Variants in RPN1 observed in about 807,000 individuals in gnomAD.
RPN1 encodes the protein ribophorin I.
Under a neutral mutation model 55.5 loss-of-function variants are expected in RPN1, and 12 were observed. That is an observed-to-expected ratio of 0.22 (90% CI 0.14 to 0.35). The LOEUF is 0.35. Among genes scored for constraint, RPN1 ranks in the 10% least tolerant of loss-of-function variants. RPN1 has a pLI of 1.00. For missense variants in RPN1, 679 were observed against 761.3 expected (o/e 0.89, Z 1.27); for synonymous variants, 317 against 305.9 (o/e 1.04, Z -0.38).
intron 8 of RPN1, among the ~76,000 whole-genome samples, chr3:128,623,220 C>T (rs966269856): frequency 1.3e-5 from 2 of 152,152 alleles, no homozygotes; most frequent in African/African-American, 4.8e-5. Flanking sequence ...GCCTGGGTAA[C>T]ATAATGAGAC....
At chr3:128,632,544 A>G (rs2069649500) in intron 3 of RPN1, among the ~76,000 whole-genome samples, 1 of 152,178 alleles carries the variant, frequency 6.6e-6, no homozygotes, top group African/African-American at 2.4e-5. Flanking sequence ...TATCTTGTTC[A>G]AGGTCATAAA....
At chr3:128,645,467 T>G (rs529728070) in intron 1 of RPN1, among the ~76,000 whole-genome samples, 2 of 148,554 alleles carry the variant, frequency 1.3e-5, no homozygotes, top group Admixed American at 1.3e-4. Context: ...CAAAATTCCA[T>G]CTAAAAAAAA....
At chr3:128,626,701 C>T (rs763667907) in intron 6 of RPN1, 32 bp downstream of exon 6, 133 of 1,587,452 alleles carry the variant, frequency 8.4e-5, no homozygotes, top group Non-Finnish European at 1.5e-5. Flanking sequence ...CCAGAGAAAT[C>T]GGGTGCAAAG....
At chr3:128,635,628 T>C (rs182229769) in intron 3 of RPN1, among the ~76,000 whole-genome samples, 1 of 26,398 alleles carries the variant, frequency 3.8e-5, no homozygotes. Context: ...TATATATATA[T>C]ATATATATAT....
intron 1 of RPN1, 146 bp from the exon 2 acceptor site, chr3:128,645,129 ATTT>A (rs948326061): frequency 1.7e-6 from 1 of 605,958 alleles, no homozygotes; most frequent in Non-Finnish European, 2.9e-6. Context: ...TTCAGTAACA[ATTT>A]TTTTTTCTCT....
chr3:128,620,212 T>A lies in RPN1; in HGVS notation c.*199A>T, dbSNP rs1308788380. On this transcript the variant is annotated 3_prime_UTR_variant, in exon 10 of 10. Transcript: ENST00000296255. ...GGAGTTTTTTTAAAGTTTTCTTTTT[T>A]TAAAAAAAAAAAAAAAGAAAGTTAA... The A allele has an allele frequency of 1.0e-5, 4 of 394,664 alleles. No individual in the cohort carries two copies. The highest frequency in any genetic ancestry group is 8.4e-5 in the African/African-American group (4 of 47,884). 24.4% of individuals were successfully genotyped at this position (394,664 alleles called of 1,614,324 possible).
rs780552430 is a variant in RPN1, at chr3:128,620,418, G to A, written c.1817C>T (p.Ala606Val). 3.1e-6 allele frequency: 5 copies of A among 1,613,120 alleles called. No individual in the cohort carries two copies. The South Asian group carries it at 5.5e-5, about 18-fold the overall frequency. Residue 606 changes from alanine to valine, a missense_variant, in exon 10 of 10, where the codon GCC (alanine) becomes GTC (valine). This residue lies in a region of RPN1 where 306 missense variants were observed against 360.0 expected (regional missense o/e 0.85). Transcript: ENST00000296255. ...GGAGGATGCGGGCAGGGGCTACAGGGCATCCAGGATGTGGTCGATCTTGGT... is the reference window on the plus strand; with the variant it reads ...GGAGGATGCGGGCAGGGGCTACAGGACATCCAGGATGTGGTCGATCTTGGT... ...LVTKIDHILD[A>V]L
intron 5 of RPN1, among the ~76,000 whole-genome samples, chr3:128,629,082 C>T (rs117016372): frequency 4.6e-5 from 7 of 152,092 alleles, no homozygotes; most frequent in Middle Eastern, 6.8e-3. Context: ...AAAGTGATTA[C>T]TCAAAGTCGG....
At chr3:128,650,363 G>A (rs1394951831) in intron 1 of RPN1, among the ~76,000 whole-genome samples, 177 bp downstream of exon 1, 1 of 150,174 alleles carries the variant, frequency 6.7e-6, no homozygotes, top group East Asian at 2.0e-4. Context: ...GGGGCCCCTG[G>A]CCACCCAGGA....
At chr3:128,624,544 C>A (rs1015989819) in intron 8 of RPN1, among the ~76,000 whole-genome samples, 1 of 151,878 alleles carries the variant, frequency 6.6e-6, no homozygotes, top group Admixed American at 6.6e-5. Context: ...CACAGTTCGG[C>A]TGGATCAACA....
At chr3:128,626,097 G>A (rs2069598154) in intron 6 of RPN1, 85 bp from the exon 7 acceptor site, 1 of 1,373,662 alleles carries the variant, frequency 7.3e-7, no homozygotes, top group African/African-American at 1.4e-5. Context: ...CAAGGCTAAG[G>A]AGCCTTTCAA....
At chr3:128,648,003 A>G (rs1470824338) in intron 1 of RPN1, among the ~76,000 whole-genome samples, 2 of 152,188 alleles carry the variant, frequency 1.3e-5, no homozygotes, top group African/African-American at 4.8e-5. Flanking sequence ...TCACGCCTGC[A>G]ATCCCAGCAC....
rs1420140345 is a variant in RPN1, at chr3:128,637,976, C to G, written c.456G>C (p.Gln152His). The change falls in exon 3 of 10, where the codon CAG becomes CAC. Residue 152 changes from glutamine to histidine, a missense_variant. By Grantham distance (24) the Gln-to-His change is conservative. Around this residue, in one of 3 missense-constraint regions of RPN1, gnomAD observed 352 missense variants for 352.8 expected, o/e 1.00. Coordinates refer to ENST00000296255, the MANE Select transcript of RPN1 (RefSeq NM_002950.4). ...AATGGTTCCCCTCAAACACCACAAA[C>G]TGTTTCTCTGACTGGGTGATCTGGG... ...YPTQITQSEK[Q>H]FVVFEGNHYF... The G allele has an allele frequency of 1.2e-6, 2 of 1,614,084 alleles. No homozygotes were observed. The highest frequency in any genetic ancestry group is 2.7e-5 in the African/African-American group (2 of 74,942).
At chr3:128,646,035 G>A (rs1419326695) in intron 1 of RPN1, among the ~76,000 whole-genome samples, 1 of 151,842 alleles carries the variant, frequency 6.6e-6, no homozygotes, top group Admixed American at 6.6e-5. Context: ...ACGAGGTCAG[G>A]AGTTCAAGAC....
intron 3 of RPN1, 121 bp downstream of exon 3, chr3:128,637,678 G>T: frequency 1.0e-6 from 1 of 994,590 alleles, no homozygotes; most frequent in Non-Finnish European, 1.5e-6. Context: ...CTTTTGGGAT[G>T]ACCTTAGAAA....
intron 1 of RPN1, among the ~76,000 whole-genome samples, chr3:128,647,466 T>C (rs1477652562): frequency 6.6e-6 from 1 of 151,916 alleles, no homozygotes; most frequent in Non-Finnish European, 1.5e-5. Flanking sequence ...GGAGGACTGC[T>C]TGAGGCTAGG....
At chr3:128,635,358 G>A (rs1325555177) in intron 3 of RPN1, among the ~76,000 whole-genome samples, 1 of 151,416 alleles carries the variant, frequency 6.6e-6, no homozygotes, top group Non-Finnish European at 1.5e-5. Context: ...CTGGAGTGCA[G>A]TGGCACAACC....
chr3:128,632,911 C>A (rs2069651720), intron 3 of RPN1, among the ~76,000 whole-genome samples: 1 of 152,044 alleles, frequency 6.6e-6, no homozygotes, highest in South Asian at 2.1e-4. Flanking sequence ...CGTGCCCAGC[C>A]CGATTTCACT....
intron 2 of RPN1, chr3:128,644,549 A>G (rs1358096094): frequency 2.2e-6 from 1 of 445,150 alleles, no homozygotes; most frequent in Non-Finnish European, 4.3e-6. Context: ...AGTCCCACCT[A>G]TTTGGGAGGC....
Sources: gnomAD v4.1 joint callset for allele counts (sites outside exome capture counted in the v4.1 genomes callset) on GRCh38, gnomAD v4.1.1 for gene constraint, gnomAD v4.1.1 regional missense constraint, MANE v1.5 for transcripts, NCBI Gene and HGNC (gene_info 2026-07-23, HGNC 2026-07-21) for gene names.